The following VIPR1 variants were observed in gnomAD, a reference collection of about 807,000 sequenced individuals.
VIPR1 encodes the protein vasoactive intestinal polypeptide receptor 1.
In VIPR1, 59 loss-of-function variants were observed where a neutral mutation model predicts 58.8. The observed-to-expected ratio is 1.00, with a 90% CI of 0.81 to 1.25. The LOEUF (loss-of-function observed/expected upper bound fraction) is 1.25. Among genes scored for constraint, VIPR1 ranks in the 50% most tolerant of loss-of-function variants. VIPR1 has a pLI of 0.00. For synonymous variants in VIPR1, 251 were observed against 242.1 expected, an observed-to-expected ratio of 1.04 and a Z score of -0.34; for missense variants, 626 against 602.7, an observed-to-expected ratio of 1.04 and a Z score of -0.40.
At chr3:42,505,322 G>A (rs1407879677) in intron 1 of VIPR1, among the ~76,000 whole-genome samples, 1 of 152,250 alleles carries the variant, frequency 6.6e-6, no homozygotes, top group Non-Finnish European at 1.5e-5. Context: ...CAGGACCAAT[G>A]GGCCTGCCCC....
chr3:42,527,830 G>T, intron 5 of VIPR1, 161 bp from the exon 6 acceptor site: 1 of 1,058,920 alleles, frequency 9.4e-7, no homozygotes, highest in South Asian at 1.5e-5. Flanking sequence ...GTACCTGGGG[G>T]TGGGGCTCGT....
At chr3:42,524,376 G>A (rs1423797458) in intron 3 of VIPR1, among the ~76,000 whole-genome samples, 1 of 152,242 alleles carries the variant, frequency 6.6e-6, no homozygotes, top group Non-Finnish European at 1.5e-5. Context: ...CAACAGTGAG[G>A]TTGGGAGCCC....
chr3:42,502,894 G>C lies in VIPR1; in HGVS notation c.78+81G>C, dbSNP rs559657095. The C allele has an allele frequency of 1.8e-5, 19 of 1,080,506 alleles. No individual in the cohort carries two copies. In the South Asian group the frequency reaches 8.1e-4, roughly 46 times the overall value. The allele number at this position is 1,080,506 out of a possible 1,614,324, so 66.9% of individuals were successfully genotyped here. A position where few individuals can be genotyped will look rare whatever the true frequency, so the allele number is the denominator to read the frequency against. On this transcript the variant is annotated intron_variant, in intron 1 of 12. Coordinates refer to ENST00000325123, the MANE Select transcript of VIPR1 (RefSeq NM_004624.4). ...GGGGAGGTGGGGGATGGCGGGAGCC[G>C]GGCCGTCTGTGCGCGTGTCTGTGTA... is the stretch of plus-strand genomic sequence containing the variant.
intron 3 of VIPR1, among the ~76,000 whole-genome samples, chr3:42,519,793 G>C (rs1429660987): frequency 6.6e-6 from 1 of 152,156 alleles, no homozygotes; most frequent in East Asian, 1.9e-4. Context: ...TGGCTTTCTA[G>C]CTAGTGAGTC....
Position 42,536,429 on chromosome 3 carries a change from C to T in VIPR1, c.*148C>T. 1.2e-6 allele frequency: 1 copy of T among 852,710 alleles called. No homozygotes were observed. The highest frequency in any genetic ancestry group is 2.9e-5 in the East Asian group (1 of 34,500). The allele number at this position is 852,710 out of a possible 1,614,324, so 52.8% of individuals were successfully genotyped here. The stretch of plus-strand genomic sequence containing the variant: ...CCGGCCCCCTGGTCTCTGGTCCGGA[C>T]ACTCCTAGAGAACGCAGCCCTAGAG... On this transcript the variant is annotated 3_prime_UTR_variant, in exon 13 of 13. Transcript: ENST00000325123.
intron 1 of VIPR1, among the ~76,000 whole-genome samples, chr3:42,497,560 A>G (rs1315142228): frequency 6.6e-6 from 1 of 151,976 alleles, no homozygotes; most frequent in Non-Finnish European, 1.5e-5. Flanking sequence ...AGTCTCCCAC[A>G]CTCCCAACAC....
intron 3 of VIPR1, among the ~76,000 whole-genome samples, chr3:42,523,092 C>CG (rs1553638540): frequency 1.3e-5 from 2 of 151,392 alleles, no homozygotes; most frequent in Admixed American, 6.6e-5. Flanking sequence ...TGACCCCGCC[C>CG]CCAGTGGAGT....
intron 1 of VIPR1, among the ~76,000 whole-genome samples, chr3:42,495,113 GT>G (rs960164300): frequency 3.8e-4 from 57 of 151,208 alleles, no homozygotes; most frequent in African/African-American, 1.3e-3. Flanking sequence ...ATTTGCTGTA[GT>G]TTTTTAACAT....
chr3:42,517,742 G>A (rs773756567), intron 2 of VIPR1, among the ~76,000 whole-genome samples: 3 of 152,354 alleles, frequency 2.0e-5, no homozygotes, highest in South Asian at 2.1e-4. Flanking sequence ...GGGAGGCTGA[G>A]AGGCAGGTGA....
At chr3:42,530,607 A>C in intron 6 of VIPR1, 172 bp from the exon 7 acceptor site, 1 of 727,026 alleles carries the variant, frequency 1.4e-6, no homozygotes, top group East Asian at 2.7e-5. Context: ...GAGGATCTAA[A>C]ATTAGGGAAA....
intron 1 of VIPR1, among the ~76,000 whole-genome samples, chr3:42,504,258 G>A (rs1325608661): frequency 2.6e-5 from 4 of 152,046 alleles, no homozygotes; most frequent in Non-Finnish European, 4.4e-5. Context: ...CCTCCATCCC[G>A]AGAAGCTTCT....
Position 42,530,775 on chromosome 3 carries a change from G to A in VIPR1, c.637-4G>A. The A allele has an allele frequency of 6.2e-7, 1 of 1,613,792 alleles. No homozygotes were observed. The highest frequency in any genetic ancestry group is 8.5e-7 in the Non-Finnish European group (1 of 1,179,742). On this transcript the variant is annotated splice_polypyrimidine_tract_variant and splice_region_variant and intron_variant, in intron 6 of 12. Transcript: ENST00000325123. ...GAACCCCGTCTTTTCTCCTCCCCCT[G>A]CAGGTGGGCTGTAAGGCAGCCATGG...
At chr3:42,522,097 ATATATTTTT>A (rs1480669783) in intron 3 of VIPR1, among the ~76,000 whole-genome samples, 159 of 44,008 alleles carry the variant, frequency 3.6e-3, no homozygotes, top group African/African-American at 0.022. Context: ...ATATATATAT[ATATATTTTT>A]TTTTTTTTTT....
chr3:42,511,042 C>G lies in VIPR1; in HGVS notation c.79-2707C>G, dbSNP rs145034311. On this transcript the variant is annotated intron_variant, in intron 1 of 12. Transcript: ENST00000325123. ...ATTATCTTGTCCTCAGAGGGCAAGGCTGGACACTTTTGTTTACAGCGACCA... is the reference window on the plus strand; with the variant it reads ...ATTATCTTGTCCTCAGAGGGCAAGGGTGGACACTTTTGTTTACAGCGACCA... Among the ~76,000 whole-genome samples the G allele has an allele frequency of 3.9e-3, 588 of 152,280 alleles. 4 individuals are homozygous for G. The highest frequency in any genetic ancestry group is 6.8e-3 in the Middle Eastern group (2 of 294).
chr3:42,519,060 C>T (rs1305757326), intron 2 of VIPR1, among the ~76,000 whole-genome samples, 163 bp from the exon 3 acceptor site: 3 of 152,238 alleles, frequency 2.0e-5, no homozygotes, highest in Non-Finnish European at 2.9e-5. Flanking sequence ...AGGACAGCCC[C>T]GTGCAACCTC....
chr3:42,528,140 T>C lies in VIPR1; in HGVS notation c.636+17T>C, dbSNP rs1207108574. 6.2e-7 allele frequency: 1 copy of C among 1,611,110 alleles called. No individual in the cohort carries two copies. Among genetic ancestry groups the C allele is most frequent in the Non-Finnish European group, 8.5e-7 (1 of 1,178,758 alleles). On this transcript the variant is annotated intron_variant, in intron 6 of 12. Coordinates refer to ENST00000325123, the MANE Select transcript of VIPR1 (RefSeq NM_004624.4). ...GAGGGCTCGGTGAGGATCCTGGCCCTGGCCCACCTCCCTCAGTCTCGCCGT... is the reference window on the plus strand; with the variant it reads ...GAGGGCTCGGTGAGGATCCTGGCCCCGGCCCACCTCCCTCAGTCTCGCCGT...
At position 42,513,736 on chromosome 3, in the gene VIPR1, T is replaced by A. The variant is rs549916964; in HGVS notation, c.79-13T>A. On this transcript the variant is annotated splice_polypyrimidine_tract_variant and intron_variant, in intron 1 of 12. Transcript: ENST00000325123. ...GGACGAGGCTGATGGGCCCTCCCTG[T>A]CTTTGTTCTCAGGGCGGCCAGGCGG... 6.4e-6 allele frequency: 10 copies of A among 1,551,062 alleles called. No individual in the cohort carries two copies. In the East Asian group the frequency reaches 2.4e-4, roughly 38 times the overall value.
intron 1 of VIPR1, among the ~76,000 whole-genome samples, chr3:42,508,321 G>A (rs1700211972): frequency 6.6e-6 from 1 of 152,154 alleles, no homozygotes; most frequent in African/African-American, 2.4e-5. Flanking sequence ...TATAGATGAA[G>A]TTGAGTAAAT....
intron 1 of VIPR1, among the ~76,000 whole-genome samples, chr3:42,496,838 C>A (rs1699772143): frequency 6.6e-6 from 1 of 152,100 alleles, no homozygotes; most frequent in Non-Finnish European, 1.5e-5. Flanking sequence ...TATTTTTAAT[C>A]TTCCCAAACA....
Sources: allele counts gnomAD v4.1 joint callset (sites outside exome capture counted in the v4.1 genomes callset), GRCh38; gene constraint gnomAD v4.1.1; transcripts MANE v1.5; gene names NCBI Gene and HGNC (gene_info 2026-07-23, HGNC 2026-07-21).